Variants in MAF observed in about 807,000 individuals in gnomAD.
MAF encodes MAF bZIP transcription factor.
Under a neutral mutation model 22.0 loss-of-function variants are expected in MAF, and 10 were observed. The ratio of observed to expected loss-of-function variants is 0.45; its 90% CI spans 0.28 to 0.77. The LOEUF (loss-of-function observed/expected upper bound fraction) is 0.77. MAF is among the 30% of genes least tolerant of loss of function. MAF has a pLI of 0.12. For missense variants in MAF, 544 were observed against 548.4 expected (o/e 0.99, Z 0.08); for synonymous variants, 337 against 255.8 (o/e 1.32, Z -3.03).
At chr16:79,331,882 A>T in the MAF span, among the ~76,000 whole-genome samples, 137,355 of 152,194 alleles carry the variant, frequency 0.9, 62,256 homozygotes, top group Non-Finnish European at 0.94. Flanking sequence ...CATGTCCTCA[A>T]CAAAGAGGCC....
At chr16:79,266,100 C>T in the MAF span, among the ~76,000 whole-genome samples, 3 of 151,726 alleles carry the variant, frequency 2.0e-5, no homozygotes, top group African/African-American at 7.3e-5. Context: ...TCTCGAACTC[C>T]TGAGCTCAAG....
chr16:79,349,530 G>T, the MAF span, among the ~76,000 whole-genome samples: 1 of 152,086 alleles, frequency 6.6e-6, no homozygotes, highest in African/African-American at 2.4e-5. Flanking sequence ...TTTCACTCTG[G>T]AACTAACCAC....
chr16:79,496,203 T>C, the MAF span, among the ~76,000 whole-genome samples: 1 of 152,150 alleles, frequency 6.6e-6, no homozygotes, highest in Non-Finnish European at 1.5e-5. Context: ...TCATGTCAGA[T>C]GGAAATAAGT....
At chr16:79,598,019 A>T (rs372048932) in intron 1 of MAF, 12 of 1,037,472 alleles carry the variant, frequency 1.2e-5, no homozygotes, top group African/African-American at 1.7e-5. Flanking sequence ...GTTCATGAGG[A>T]TTTTTTTCTC....
chr16:79,240,487 G>GAAAAAAAAA, the MAF span, among the ~76,000 whole-genome samples: 31 of 60,712 alleles, frequency 5.1e-4, 3 homozygotes, highest in South Asian at 1.9e-3. Flanking sequence ...AGCATCTCTG[G>GAAAAAAAAA]AAAAAAAAAA....
chr16:79,479,522 C>T, the MAF span, among the ~76,000 whole-genome samples: 1 of 152,334 alleles, frequency 6.6e-6, no homozygotes, highest in South Asian at 2.1e-4. Context: ...TCACTGCAAG[C>T]TTCGATAACT....
At chr16:79,409,639 C>T in the MAF span, among the ~76,000 whole-genome samples, 1 of 152,228 alleles carries the variant, frequency 6.6e-6, no homozygotes, top group Non-Finnish European at 1.5e-5. Context: ...CACTGAATCC[C>T]TCTGTAGCTC....
chr16:79,480,754 G>C, the MAF span, among the ~76,000 whole-genome samples: 1 of 152,290 alleles, frequency 6.6e-6, no homozygotes, highest in Non-Finnish European at 1.5e-5. Context: ...CCCAGCAAAA[G>C]ACAGACATGG....
At chr16:79,409,027 G>A in the MAF span, among the ~76,000 whole-genome samples, 5 of 151,152 alleles carry the variant, frequency 3.3e-5, no homozygotes, top group Admixed American at 3.3e-4. Flanking sequence ...TACCATAAGG[G>A]GTGGGTGGGT....
At chr16:79,551,429 C>T in the MAF span, among the ~76,000 whole-genome samples, 1 of 152,210 alleles carries the variant, frequency 6.6e-6, no homozygotes, top group Non-Finnish European at 1.5e-5. Context: ...GGAAGCAATA[C>T]AGGCATAACC....
chr16:79,502,708 A>ATACATATATATATATAT, the MAF span, among the ~76,000 whole-genome samples: 11 of 34,004 alleles, frequency 3.2e-4, 1 homozygote, highest in Non-Finnish European at 5.0e-4. Flanking sequence ...TATAAATATA[A>ATACATATATATATATAT]ATATATATAT....
the MAF span, chr16:79,211,745 G>C: frequency 6.2e-7 from 1 of 1,614,200 alleles, no homozygotes; most frequent in South Asian, 1.1e-5. Context: ...GGACCCTGTG[G>C]GCGCTCAGCG....
the MAF span, among the ~76,000 whole-genome samples, chr16:79,558,393 G>A: frequency 7.2e-5 from 11 of 152,144 alleles, no homozygotes; most frequent in South Asian, 2.1e-4. Context: ...GCTTAAAGTC[G>A]CATATCCTTT....
the MAF span, among the ~76,000 whole-genome samples, chr16:79,509,292 C>A: frequency 1.3e-5 from 2 of 152,146 alleles, no homozygotes; most frequent in African/African-American, 4.8e-5. Flanking sequence ...CTAACAAAGC[C>A]CTCTAGGCCC....
the MAF span, among the ~76,000 whole-genome samples, chr16:79,547,178 C>G: frequency 6.6e-6 from 1 of 152,122 alleles, no homozygotes; most frequent in East Asian, 1.9e-4. Context: ...CTACTCCAAA[C>G]AGATACACAA....
At chr16:79,384,122 G>A in the MAF span, among the ~76,000 whole-genome samples, 1 of 152,140 alleles carries the variant, frequency 6.6e-6, no homozygotes, top group Non-Finnish European at 1.5e-5. Flanking sequence ...AGGGAGTCAG[G>A]AAAGTATTCT....
the MAF span, among the ~76,000 whole-genome samples, chr16:79,303,334 G>A: frequency 1.1e-4 from 16 of 152,196 alleles, no homozygotes; most frequent in Admixed American, 6.5e-5. Context: ...CAGATAAATA[G>A]CAGGGCTTAT....
At chr16:79,235,126 G>A in the MAF span, among the ~76,000 whole-genome samples, 91,223 of 151,760 alleles carry the variant, frequency 0.6, 28,534 homozygotes, top group Non-Finnish European at 0.68. Context: ...TTTTTGGGGT[G>A]GTTTGTTATG....
At chr16:79,435,873 T>C in the MAF span, among the ~76,000 whole-genome samples, 1 of 152,184 alleles carries the variant, frequency 6.6e-6, no homozygotes, top group African/African-American at 2.4e-5. Context: ...AGGAGTCTGC[T>C]AAAGCATGTG....
Sources: allele counts gnomAD v4.1 joint callset (sites outside exome capture counted in the v4.1 genomes callset), GRCh38; gene constraint gnomAD v4.1.1; transcripts MANE v1.5; gene names NCBI Gene and HGNC (gene_info 2026-07-23, HGNC 2026-07-21).